DLG2: variants seen among roughly 807,000 people sequenced by gnomAD.
The protein encoded by DLG2 is discs large MAGUK scaffold protein 2, also known as disks large homolog 2.
Under a neutral mutation model 132.5 loss-of-function variants are expected in DLG2, and 45 were observed. The ratio of observed to expected loss-of-function variants is 0.34; its 90% confidence interval spans 0.27 to 0.44. The LOEUF (loss-of-function observed/expected upper bound fraction) is 0.44. DLG2 is among the 20% of genes least tolerant of loss of function. DLG2 has a pLI of 1.00. For missense variants in DLG2, 1,045 were observed against 1,196.9 expected, an observed-to-expected ratio of 0.87 and a Z score of 1.87; for synonymous variants, 424 against 419.6, an observed-to-expected ratio of 1.01 and a Z score of -0.13.
At chr11:84,711,522 A>G (rs2060451380) in intron 6 of DLG2, among the ~76,000 whole-genome samples, 1 of 151,024 alleles carries the variant, frequency 6.6e-6, no homozygotes, top group Non-Finnish European at 1.5e-5. Flanking sequence ...TGCAGTTCCA[A>G]TTCTAGTCTA....
intron 4 of DLG2, among the ~76,000 whole-genome samples, chr11:85,174,387 A>C (rs888386214): frequency 2.0e-5 from 3 of 152,232 alleles, no homozygotes; most frequent in Non-Finnish European, 2.9e-5. Context: ...TCAAAAATGA[A>C]ATTAAGGTAG....
At chr11:83,518,824 T>C (rs2095385871) in intron 21 of DLG2, among the ~76,000 whole-genome samples, 1 of 152,038 alleles carries the variant, frequency 6.6e-6, no homozygotes, top group South Asian at 2.1e-4. Flanking sequence ...ATGGTAAAAA[T>C]GAGAATTAAC....
chr11:85,495,702 C>T (rs1344319024), intron 3 of DLG2, among the ~76,000 whole-genome samples: 2 of 152,126 alleles, frequency 1.3e-5, no homozygotes, highest in African/African-American at 4.8e-5. Flanking sequence ...ATTAGTTTAA[C>T]CATTGTGGAA....
chr11:83,545,118 C>T (rs565418496), intron 19 of DLG2, among the ~76,000 whole-genome samples: 3 of 152,248 alleles, frequency 2.0e-5, no homozygotes, highest in African/African-American at 7.2e-5. Flanking sequence ...GAAAGGCTAA[C>T]AAGTAGTAGC....
At chr11:84,363,578 C>T (rs1012667466) in intron 7 of DLG2, among the ~76,000 whole-genome samples, 4 of 151,588 alleles carry the variant, frequency 2.6e-5, no homozygotes, top group African/African-American at 7.3e-5. Context: ...GACATGAAGT[C>T]CTTGCCCATG....
Position 84,462,910 on chromosome 11 carries a change from T to C in DLG2, c.519+71660A>G, listed in dbSNP as rs1319961453. ...ACACTGATCTTTTTGCAATGAAGAA[T>C]GATTTTTGAGTTTTACCAAATTTTT... On this transcript the variant is annotated intron_variant, in intron 7 of 27. Coordinates refer to ENST00000376104, the MANE Select transcript of DLG2 (RefSeq NM_001142699.3). Among the ~76,000 whole-genome samples the C allele has an allele frequency of 2.6e-5, 4 of 151,258 alleles. No individual in the cohort carries two copies. The East Asian group carries it at 7.8e-4, about 29-fold the overall frequency.
intron 7 of DLG2, among the ~76,000 whole-genome samples, chr11:84,524,313 C>T (rs1030066195): frequency 6.6e-6 from 1 of 152,146 alleles, no homozygotes; most frequent in African/African-American, 2.4e-5. Flanking sequence ...CCTTTCTTCC[C>T]GCTTTTCAAT....
intron 7 of DLG2, among the ~76,000 whole-genome samples, chr11:84,292,866 T>C (rs2098024620): frequency 1.3e-5 from 2 of 152,110 alleles, no homozygotes; most frequent in South Asian, 2.1e-4. Flanking sequence ...AGAATTATCT[T>C]GGGCCACACA....
chr11:84,414,573 A>G (rs891472702), intron 7 of DLG2, among the ~76,000 whole-genome samples: 4 of 152,190 alleles, frequency 2.6e-5, no homozygotes, highest in Non-Finnish European at 5.9e-5. Context: ...CCTAGATTTT[A>G]TCTGAACGGC....
intron 6 of DLG2, among the ~76,000 whole-genome samples, chr11:84,737,502 CAGAG>C (rs34535735): frequency 4.2e-4 from 62 of 147,092 alleles, no homozygotes; most frequent in African/African-American, 1.0e-3. Flanking sequence ...AAGAAAGAGA[CAGAG>C]AGAGAGAGAG....
intron 3 of DLG2, among the ~76,000 whole-genome samples, chr11:85,430,698 T>A (rs535101169): frequency 6.6e-6 from 1 of 152,170 alleles, no homozygotes; most frequent in South Asian, 2.1e-4. Context: ...GGTTTATGTT[T>A]GTAATTGAAT....
rs555482654 is a variant in DLG2, at chr11:84,046,279, C to T, written c.919+13036G>A. Among the ~76,000 whole-genome samples, 18 of 151,450 alleles carry T rather than the reference C, an allele frequency of 1.2e-4. No homozygotes were observed. The South Asian group carries it at 1.2e-3, about 10-fold the overall frequency. ...TAATTGTGTGCTTTTTGCTATTAAA[C>T]GTAATGAGTGAAAATATATGAGTGA... On this transcript the variant is annotated intron_variant, in intron 11 of 27. Transcript: ENST00000376104.
intron 3 of DLG2, among the ~76,000 whole-genome samples, chr11:85,426,586 C>G (rs137951308): frequency 0.035 from 5,363 of 152,196 alleles, 147 homozygotes; most frequent in Admixed American, 0.051. Context: ...AGAAGGAAAA[C>G]TAACAAACAG....
At chr11:84,416,419 G>A (rs1567576913) in intron 7 of DLG2, among the ~76,000 whole-genome samples, 1 of 152,106 alleles carries the variant, frequency 6.6e-6, no homozygotes, top group African/African-American at 2.4e-5. Context: ...AAATGAAACT[G>A]TCTTCTTCAA....
chr11:84,862,575 G>A (rs961300134), intron 6 of DLG2, among the ~76,000 whole-genome samples: 2 of 152,126 alleles, frequency 1.3e-5, no homozygotes, highest in Middle Eastern at 3.4e-3. Context: ...CAACCCAAAT[G>A]ACCATCAATG....
chr11:83,854,830 AAC>A (rs2060271827), intron 16 of DLG2, among the ~76,000 whole-genome samples: 2 of 152,142 alleles, frequency 1.3e-5, no homozygotes, highest in African/African-American at 4.8e-5. Flanking sequence ...TTAAAATAAA[AAC>A]AGTCTGCTCT....
intron 9 of DLG2, among the ~76,000 whole-genome samples, chr11:84,133,515 AT>A (rs1252986193): frequency 2.6e-5 from 4 of 152,062 alleles, no homozygotes; most frequent in Non-Finnish European, 4.4e-5. Flanking sequence ...CATACAAAAA[AT>A]TGTGTAAAAA....
At chr11:83,915,688 A>G (rs114739644) in intron 15 of DLG2, among the ~76,000 whole-genome samples, 2,765 of 152,288 alleles carry the variant, frequency 0.018, 89 homozygotes, top group African/African-American at 0.063. Flanking sequence ...GGCTATATAA[A>G]TTATTTAACT....
chr11:83,746,925 G>A (rs2092954245), intron 18 of DLG2, among the ~76,000 whole-genome samples: 1 of 152,102 alleles, frequency 6.6e-6, no homozygotes, highest in Non-Finnish European at 1.5e-5. Flanking sequence ...CTGGGTGCCT[G>A]CCCTAAAACC....
Sources: allele counts gnomAD v4.1 joint callset (sites outside exome capture counted in the v4.1 genomes callset), GRCh38; gene constraint gnomAD v4.1.1; transcripts MANE v1.5; gene names NCBI Gene and HGNC (gene_info 2026-07-23, HGNC 2026-07-21).